The following ADARB1 variants were observed in gnomAD, a reference collection of about 807,000 sequenced individuals.
The protein encoded by ADARB1 is adenosine deaminase RNA specific B1.
Under a neutral mutation model 52.4 loss-of-function variants are expected in ADARB1, and 10 were observed. That is an observed-to-expected ratio of 0.19 (90% CI 0.12 to 0.32). The LOEUF (loss-of-function observed/expected upper bound fraction) is 0.32. ADARB1 is among the 10% of genes least tolerant of loss of function. The pLI, the probability that ADARB1 is intolerant of heterozygous loss-of-function variation, is 1.00. For missense variants in ADARB1, 643 were observed against 922.3 expected, an observed-to-expected ratio of 0.70 and a Z score of 3.92; for synonymous variants, 349 against 371.1, an observed-to-expected ratio of 0.94 and a Z score of 0.68.
intron 1 of ADARB1, among the ~76,000 whole-genome samples, chr21:45,105,138 T>C (rs2087192613): frequency 6.6e-6 from 1 of 152,112 alleles, no homozygotes; most frequent in Admixed American, 6.6e-5. Context: ...TCTGGCACTG[T>C]CACCCAGGCT....
intron 8 of ADARB1, among the ~76,000 whole-genome samples, chr21:45,189,587 C>G (rs1307375657): frequency 6.6e-6 from 1 of 152,196 alleles, no homozygotes; most frequent in Non-Finnish European, 1.5e-5. Flanking sequence ...TCTATTTCAA[C>G]TTGAAGGACT....
At chr21:45,206,384 C>G (rs1056556744) in intron 9 of ADARB1, among the ~76,000 whole-genome samples, 5 of 152,114 alleles carry the variant, frequency 3.3e-5, no homozygotes, top group Admixed American at 2.6e-4. Flanking sequence ...AAGAAATTTT[C>G]TAAGATATTG....
At chr21:45,108,248 T>C (rs1315643589) in intron 1 of ADARB1, among the ~76,000 whole-genome samples, 1 of 152,186 alleles carries the variant, frequency 6.6e-6, no homozygotes, top group Non-Finnish European at 1.5e-5. Context: ...CATATACACG[T>C]ACATAAACAT....
At chr21:45,086,090 A>G (rs2086331672) in intron 1 of ADARB1, among the ~76,000 whole-genome samples, 1 of 152,342 alleles carries the variant, frequency 6.6e-6, no homozygotes, top group Non-Finnish European at 1.5e-5. Context: ...TTGATTTGCC[A>G]GACACTGCTT....
chr21:45,091,623 G>A (rs571159932), intron 1 of ADARB1, among the ~76,000 whole-genome samples: 1 of 152,344 alleles, frequency 6.6e-6, no homozygotes, highest in Admixed American at 6.5e-5. Flanking sequence ...TTGCCTGGGT[G>A]ACTGTGTCTT....
Position 45,154,171 on chromosome 21 carries a change from G to T in ADARB1, c.-47-17439G>T, listed in dbSNP as rs751021138. ...CAGTGGGAAAACCACTCTCAAATAT[G>T]TTGCATTTTCAGACCAAGGTTATAA... On this transcript the variant is annotated intron_variant, in intron 2 of 10. Transcript: ENST00000348831. Among the ~76,000 whole-genome samples the T allele has an allele frequency of 7.2e-4, 110 of 152,240 alleles. No individual in the cohort carries two copies. In the Middle Eastern group the frequency reaches 0.014, roughly 19 times the overall value.
rs9984486 is a variant in ADARB1 at position 45,146,554 on chromosome 21, C to T, written c.-48+17981C>T. Among the ~76,000 whole-genome samples, 1,316 of 152,260 alleles carry T rather than the reference C, an allele frequency of 8.6e-3. 22 individuals are homozygous for T. The highest frequency in any genetic ancestry group is 0.03 in the African/African-American group (1,247 of 41,556). On this transcript the variant is annotated intron_variant, in intron 2 of 10. Transcript: ENST00000348831. ...TTGGCGTCTTGGCCACCTCTTTCCACGGATGTGGTGGATGTGGGGGTAAAC... is the reference window on the plus strand; with the variant it reads ...TTGGCGTCTTGGCCACCTCTTTCCATGGATGTGGTGGATGTGGGGGTAAAC...
intron 8 of ADARB1, among the ~76,000 whole-genome samples, chr21:45,197,416 C>T (rs1042752601): frequency 6.6e-6 from 1 of 151,600 alleles, no homozygotes; most frequent in Non-Finnish European, 1.5e-5. Flanking sequence ...AGGAGTATCG[C>T]TTAAACCTGG....
chr21:45,153,824 C>T (rs2090424822), intron 2 of ADARB1, among the ~76,000 whole-genome samples: 1 of 152,194 alleles, frequency 6.6e-6, no homozygotes, highest in Non-Finnish European at 1.5e-5. Context: ...GACAGCCAGT[C>T]TGTGCGGCCC....
rs2092996073 is a variant in ADARB1 at position 45,223,205 on chromosome 21, T to C, written c.*1008T>C. ...GTAGAATGATTTCAGTAGATACTCA[T>C]TCTTGGAAAATGCCATAGTTTTAAA... On this transcript the variant is annotated 3_prime_UTR_variant, in exon 11 of 11. Coordinates refer to ENST00000348831, the MANE Select transcript of ADARB1 (RefSeq NM_001112.4). 1.0e-6 allele frequency: 1 copy of C among 985,390 alleles called. No individual in the cohort carries two copies. The allele number at this position is 985,390 out of a possible 1,614,324, so 61.0% of individuals were successfully genotyped here.
At position 45,182,674 on chromosome 21, in the gene ADARB1, T is replaced by G; in HGVS notation, c.1168T>G (p.Leu390Val). 6.2e-7 allele frequency: 1 copy of G among 1,612,788 alleles called. No homozygotes were observed. Among genetic ancestry groups the G allele is most frequent in the Non-Finnish European group, 8.5e-7 (1 of 1,179,572 alleles). Reference sequence around the variant, plus strand: ...ATACATGAGTGATCGTGGCCTTGCATTAAATGACTGCCATGCAGAAATAAT... The same window carrying G: ...ATACATGAGTGATCGTGGCCTTGCAGTAAATGACTGCCATGCAGAAATAAT... ...GEYMSDRGLA[L>V]NDCHAEIISR... Residue 390 changes from leucine to valine, a missense_variant, in exon 6 of 11, where the codon TTA becomes GTA. Transcript: ENST00000348831.
chr21:45,145,685 G>A (rs1347165104), intron 2 of ADARB1: 1 of 152,250 alleles, frequency 6.6e-6, no homozygotes, highest in African/African-American at 2.4e-5. Flanking sequence ...AGAAAGCACA[G>A]AACAACTGCC....
At chr21:45,140,143 A>G (rs549159602) in intron 2 of ADARB1, among the ~76,000 whole-genome samples, 1 of 152,014 alleles carries the variant, frequency 6.6e-6, no homozygotes, top group East Asian at 1.9e-4. Flanking sequence ...GGGTGTTGCC[A>G]TGTTGGCCAG....
intron 1 of ADARB1, among the ~76,000 whole-genome samples, chr21:45,117,630 T>A (rs1445967293): frequency 6.6e-6 from 1 of 152,208 alleles, no homozygotes; most frequent in Non-Finnish European, 1.5e-5. Flanking sequence ...GCAATGCTCA[T>A]GCTACTTCAC....
At chr21:45,076,091 G>A (rs530563280) in intron 1 of ADARB1, among the ~76,000 whole-genome samples, 11 of 152,314 alleles carry the variant, frequency 7.2e-5, no homozygotes, top group Admixed American at 5.2e-4. Context: ...TTGTTTCTAG[G>A]AGATAGAAAA....
At chr21:45,207,692 T>A (rs2092693184) in intron 9 of ADARB1, among the ~76,000 whole-genome samples, 2 of 152,240 alleles carry the variant, frequency 1.3e-5, no homozygotes, top group Non-Finnish European at 1.5e-5. Context: ...ACAGCTCACG[T>A]CGTGTTTGTT....
chr21:45,101,705 C>T (rs1319954423), intron 1 of ADARB1, among the ~76,000 whole-genome samples: 4 of 152,142 alleles, frequency 2.6e-5, no homozygotes, highest in African/African-American at 7.2e-5. Flanking sequence ...GTGAAATTTT[C>T]TGGATAGTGT....
At chr21:45,091,402 A>G (rs1313207293) in intron 1 of ADARB1, among the ~76,000 whole-genome samples, 4 of 152,234 alleles carry the variant, frequency 2.6e-5, no homozygotes, top group East Asian at 1.9e-4. Flanking sequence ...TACTTTAGAA[A>G]GGTTAATGAT....
chr21:45,165,406 T>C (rs1569102514), intron 2 of ADARB1, among the ~76,000 whole-genome samples: 1 of 152,222 alleles, frequency 6.6e-6, no homozygotes, highest in African/African-American at 2.4e-5. Context: ...TCCTTTTGCA[T>C]TGCACTAGAA....
Sources: gnomAD v4.1 joint callset for allele counts (sites outside exome capture counted in the v4.1 genomes callset) on GRCh38, gnomAD v4.1.1 for gene constraint, MANE v1.5 for transcripts, NCBI Gene and HGNC (gene_info 2026-07-23, HGNC 2026-07-21) for gene names.